Variants in MAP3K19 observed in about 807,000 individuals in gnomAD.
MAP3K19 encodes the protein SPS1/STE20-related protein kinase YSK4.
In MAP3K19, 91 loss-of-function variants were observed where a neutral mutation model predicts 114.4. The ratio of observed to expected loss-of-function variants is 0.80; its 90% CI spans 0.67 to 0.95. MAP3K19 has a LOEUF of 0.95. Ranked by LOEUF, MAP3K19 falls within the 40% of genes least tolerant of loss-of-function variation. The pLI is 0.00. For synonymous variants in MAP3K19, 518 were observed against 530.5 expected, an observed-to-expected ratio of 0.98 and a Z score of 0.32; for missense variants, 1,471 against 1,573.2, an observed-to-expected ratio of 0.94 and a Z score of 1.10.
Position 134,981,486 on chromosome 2 carries a change from T to C in MAP3K19, c.3255A>G (p.Leu1085=). 3 of 1,614,124 alleles carry C rather than the reference T, an allele frequency of 1.9e-6. No homozygotes were observed. The highest frequency in any genetic ancestry group is 2.5e-6 in the Non-Finnish European group (3 of 1,179,960). The change falls in exon 12 of 13, where the codon CTA becomes CTG. Residue 1085 remains leucine (L), a synonymous_variant. Coordinates refer to ENST00000392915, the MANE Select transcript of MAP3K19 (RefSeq NM_025052.5). ...CCAAAGCCACCTGTTTTACAGCTAT[T>C]AGCTGTCCTTGACTAGTGAGACCAC... ...VYCGLTSQGQ[L]IAVKQVALDT... is the part of the protein sequence containing the mutation.
intron 12 of MAP3K19, among the ~76,000 whole-genome samples, chr2:134,980,518 T>G (rs1182618347): frequency 6.6e-6 from 1 of 152,226 alleles, no homozygotes; most frequent in Non-Finnish European, 1.5e-5. Context: ...GATGTCTCAT[T>G]GGTAAATAAG....
intron 6 of MAP3K19, among the ~76,000 whole-genome samples, chr2:135,001,302 T>C (rs948473544): frequency 6.6e-6 from 1 of 152,250 alleles, no homozygotes; most frequent in Non-Finnish European, 1.5e-5. Flanking sequence ...GCATGTTTTC[T>C]AATACTATAC....
intron 12 of MAP3K19, among the ~76,000 whole-genome samples, chr2:134,977,829 C>T (rs1424741174): frequency 6.6e-6 from 1 of 152,164 alleles, no homozygotes; most frequent in Non-Finnish European, 1.5e-5. Context: ...CCAAATGTCT[C>T]TAACAAGGCT....
intron 3 of MAP3K19, among the ~76,000 whole-genome samples, chr2:135,027,174 G>A (rs1688275187): frequency 6.6e-6 from 1 of 151,976 alleles, no homozygotes; most frequent in Non-Finnish European, 1.5e-5. Context: ...GAGCCCAGGA[G>A]TTTGAGGTCA....
At chr2:134,991,482 G>A (rs750839427) in intron 9 of MAP3K19, 55 bp downstream of exon 9, 35 of 1,463,220 alleles carry the variant, frequency 2.4e-5, no homozygotes, top group Non-Finnish European at 3.3e-5. Flanking sequence ...CTAAATTAGT[G>A]AATAGAGTTG....
At chr2:134,991,461 A>G (rs763531606) in intron 9 of MAP3K19, 76 bp downstream of exon 9, 5 of 1,263,202 alleles carry the variant, frequency 4.0e-6, no homozygotes, top group Non-Finnish European at 5.8e-6. Context: ...GTAATTGCTG[A>G]GGATTTGGTT....
At chr2:135,010,580 A>G (rs905466787) in intron 5 of MAP3K19, among the ~76,000 whole-genome samples, 2 of 152,174 alleles carry the variant, frequency 1.3e-5, no homozygotes, top group African/African-American at 4.8e-5. Flanking sequence ...CATACCAAAC[A>G]TACAGAATGT....
Position 134,998,929 on chromosome 2 carries a change from G to GT in MAP3K19, c.382dup (p.Thr128AsnfsTer64). The GT allele has an allele frequency of 6.2e-7, 1 of 1,614,078 alleles. No homozygotes were observed. Among genetic ancestry groups the GT allele is most frequent in the Non-Finnish European group, 8.5e-7 (1 of 1,180,010 alleles). ...CAGCTTCTTTTTCCTGAGCTCCACC[G>GT]TTTCTATTTCATTTGGATGAGAAAC... On this transcript the variant is annotated frameshift_variant, in exon 8 of 13. Coordinates refer to ENST00000392915, the MANE Select transcript of MAP3K19 (RefSeq NM_025052.5). LOFTEE classifies it high-confidence loss of function.
rs535617523 is a variant in MAP3K19, at chr2:135,015,009, A to G, written c.138+6706T>C. ...TTATAATAGTGCTGCTATGATCATTATAATATGTAGCTTATGGTAAACATA... is the reference window on the plus strand; with the variant it reads ...TTATAATAGTGCTGCTATGATCATTGTAATATGTAGCTTATGGTAAACATA... On this transcript the variant is annotated intron_variant, in intron 5 of 12. Coordinates refer to ENST00000392915, the MANE Select transcript of MAP3K19 (RefSeq NM_025052.5). 3.3e-4 allele frequency among the ~76,000 whole-genome samples: 50 copies of G among 152,344 alleles called. No individual in the cohort carries two copies. The South Asian group carries it at 5.8e-3, about 18-fold the overall frequency.
In MAP3K19 at chr2:134,998,922, C is replaced by T. The variant is rs777314609; in HGVS notation, c.390G>A (p.Glu130=). The change falls in exon 8 of 13, where the codon GAG becomes GAA. Residue 130 remains glutamate (E), a synonymous_variant. Transcript: ENST00000392915. ...VSHPNEIETV[E]LRKKKLTMRP... ...GCATGGTCAGCTTCTTTTTCCTGAGCTCCACCGTTTCTATTTCATTTGGAT... is the reference window on the plus strand; with the variant it reads ...GCATGGTCAGCTTCTTTTTCCTGAGTTCCACCGTTTCTATTTCATTTGGAT... 1.2e-6 allele frequency: 2 copies of T among 1,614,066 alleles called. No individual in the cohort carries two copies. The highest frequency in any genetic ancestry group is 1.1e-5 in the South Asian group (1 of 91,088).
rs1187957592 is a variant in MAP3K19, at chr2:134,997,817, C to CAAAAAAAAAAA, written c.574+910_574+920dup. Among the ~76,000 whole-genome samples, 105 of 90,920 alleles carry CAAAAAAAAAAA rather than the reference C, an allele frequency of 1.2e-3. 3 individuals carry two copies. The highest frequency in any genetic ancestry group is 3.7e-3 in the African/African-American group (90 of 24,586). The allele number at this position is 90,920 out of a possible 152,430, so 59.6% of individuals were successfully genotyped here. ...CTGGTGACAGAGCGAGACTCCGTCT[C>CAAAAAAAAAAA]AAAAAAAAAAAAACTTTAAGCACTG... On this transcript the variant is annotated intron_variant, in intron 8 of 12. Transcript: ENST00000392915.
intron 12 of MAP3K19, among the ~76,000 whole-genome samples, chr2:134,966,580 T>C (rs1400068230): frequency 6.6e-6 from 1 of 152,228 alleles, no homozygotes; most frequent in African/African-American, 2.4e-5. Flanking sequence ...ACTTTTCTTC[T>C]TCTTGCATTA....
intron 4 of MAP3K19, 117 bp downstream of exon 4, chr2:135,024,509 A>C (rs1688177754): frequency 1.0e-6 from 1 of 963,922 alleles, no homozygotes; most frequent in Non-Finnish European, 1.7e-6. Flanking sequence ...ACTGCTCCAT[A>C]AATAGCCGTG....
At chr2:135,041,680 C>T (rs564458405) in intron 1 of MAP3K19, among the ~76,000 whole-genome samples, 2 of 152,322 alleles carry the variant, frequency 1.3e-5, no homozygotes, top group Admixed American at 1.3e-4. Flanking sequence ...AGGCTCTATA[C>T]TCCAACTTCT....
chr2:134,998,332 A>G (rs1030936748), intron 8 of MAP3K19, among the ~76,000 whole-genome samples: 3 of 152,210 alleles, frequency 2.0e-5, no homozygotes, highest in African/African-American at 7.2e-5. Flanking sequence ...AACACTCAAG[A>G]AAAAAGTCAA....
chr2:135,033,385 G>A (rs1300291868), intron 2 of MAP3K19, among the ~76,000 whole-genome samples: 5 of 101,820 alleles, frequency 4.9e-5, no homozygotes, highest in South Asian at 4.3e-4. Context: ...CCCCCCCACT[G>A]CCCTCCCGGA....
chr2:135,024,835 T>C (rs778436394), intron 3 of MAP3K19, 94 bp from the exon 4 acceptor site: 4 of 556,088 alleles, frequency 7.2e-6, no homozygotes, highest in African/African-American at 1.9e-5. Flanking sequence ...ATCAAATAAA[T>C]AAAAAGTAAT....
At chr2:135,041,301 T>C (rs550986757) in intron 1 of MAP3K19, among the ~76,000 whole-genome samples, 1 of 152,124 alleles carries the variant, frequency 6.6e-6, no homozygotes, top group Admixed American at 6.5e-5. Context: ...AAATTGCAAT[T>C]TTGGAGGTCA....
chr2:135,000,319 C>A (rs1321465168), intron 6 of MAP3K19, among the ~76,000 whole-genome samples: 1 of 152,154 alleles, frequency 6.6e-6, no homozygotes, highest in Non-Finnish European at 1.5e-5. Flanking sequence ...TAAAGTGTAA[C>A]GACACCTATC....
Sources: allele counts gnomAD v4.1 joint callset (sites outside exome capture counted in the v4.1 genomes callset), GRCh38; gene constraint gnomAD v4.1.1; transcripts MANE v1.5; gene names NCBI Gene and HGNC (gene_info 2026-07-23, HGNC 2026-07-21).